RCVRN: variants seen among roughly 807,000 people sequenced by gnomAD.
The protein encoded by RCVRN is recoverin.
A neutral mutation model predicts 20.4 loss-of-function variants in RCVRN; 23 were observed. That is an observed-to-expected ratio of 1.13 (90% CI 0.81 to 1.60). RCVRN has a LOEUF of 1.60. RCVRN is among the 40% of genes most tolerant of loss of function. The pLI is 0.00. For synonymous variants in RCVRN, 105 were observed against 105.9 expected, an observed-to-expected ratio of 0.99 and a Z score of 0.05; for missense variants, 254 against 254.2, an observed-to-expected ratio of 1.00 and a Z score of 0.00.
chr17:9,903,784 C>T (rs1392747580), intron 1 of RCVRN, among the ~76,000 whole-genome samples: 1 of 152,208 alleles, frequency 6.6e-6, no homozygotes, highest in Admixed American at 6.5e-5. Flanking sequence ...GTAGAGCCGA[C>T]TACATCCCTG....
chr17:9,903,448 T>C (rs2067349923), intron 1 of RCVRN, among the ~76,000 whole-genome samples: 1 of 152,196 alleles, frequency 6.6e-6, no homozygotes, highest in African/African-American at 2.4e-5. Context: ...AAGCGGGGGC[T>C]CATGCGTGGT....
Position 9,905,058 on chromosome 17 carries a change from G to A in RCVRN, c.123C>T (p.Thr41=), listed in dbSNP as rs1440141052. ...WYQSFLKDCP[T]GRITQQQFQS... The stretch of plus-strand genomic sequence containing the variant: ...GGAACTGCTGCTGGGTGATGCGGCC[G>A]GTGGGACAGTCCTTCAGGAAGGACT... The change falls in exon 1 of 3, where the codon ACC becomes ACT. Residue 41 remains threonine, a synonymous_variant. Transcript: ENST00000226193. 6.2e-7 allele frequency: 1 copy of A among 1,612,386 alleles called. No homozygotes were observed. The highest frequency in any genetic ancestry group is 2.2e-5 in the East Asian group (1 of 44,804).
At chr17:9,902,720 G>A (rs1438955039) in intron 1 of RCVRN, among the ~76,000 whole-genome samples, 2 of 152,206 alleles carry the variant, frequency 1.3e-5, no homozygotes, top group Middle Eastern at 3.2e-3. Context: ...GGAAGAGGTT[G>A]GGTGCGGAAG....
rs553320492 is a variant in RCVRN, at chr17:9,905,233, C to T, written c.-53G>A. The stretch of plus-strand genomic sequence containing the variant: ...GGAGTCGCTGGGTGGGTGGGACGTG[C>T]GTGGTCCCCTGGCCGCAGGCTGGGC... On this transcript the variant is annotated 5_prime_UTR_variant, in exon 1 of 3. Transcript: ENST00000226193. The T allele has an allele frequency of 3.3e-6, 5 of 1,528,306 alleles. No individual in the cohort carries two copies. In the East Asian group the frequency reaches 9.2e-5, roughly 28 times the overall value. The allele number at this position is 1,528,306 out of a possible 1,614,324, so 94.7% of individuals were successfully genotyped here.
Position 9,897,748 on chromosome 17 carries a change from G to C in RCVRN, c.*347C>G, listed in dbSNP as rs1297262807. On this transcript the variant is annotated 3_prime_UTR_variant, in exon 3 of 3. Coordinates refer to ENST00000226193, the MANE Select transcript of RCVRN (RefSeq NM_002903.3). ...GCGTTTATTGGAAACTGCTTACCCA[G>C]CACTCCACAAAGGAGCTTACAGCGG... 1.5e-5 allele frequency: 3 copies of C among 199,962 alleles called. No individual in the cohort carries two copies. The highest frequency in any genetic ancestry group is 3.0e-5 in the Non-Finnish European group (3 of 98,760). 12.4% of individuals were successfully genotyped at this position (199,962 alleles called of 1,614,324 possible).
intron 1 of RCVRN, among the ~76,000 whole-genome samples, chr17:9,902,177 G>C: frequency 6.7e-6 from 1 of 149,942 alleles, no homozygotes; most frequent in African/African-American, 2.5e-5. Flanking sequence ...TCAATTTGTA[G>C]GCTTCTGCTG....
rs2067320096 is a variant in RCVRN at position 9,897,064 on chromosome 17, G to C, written c.*1031C>G. On this transcript the variant is annotated 3_prime_UTR_variant, in exon 3 of 3. Coordinates refer to ENST00000226193, the MANE Select transcript of RCVRN (RefSeq NM_002903.3). The stretch of plus-strand genomic sequence containing the variant: ...TCATCGGGCTCCCTGACTCCAGGGA[G>C]CCCCCAGTTGCTCCTCTCTGACTTA... 6.6e-6 allele frequency: 1 copy of C among 152,186 alleles called. No homozygotes were observed. 9.4% of individuals were successfully genotyped at this position (152,186 alleles called of 1,614,324 possible).
chr17:9,898,622 A>G (rs982774362), intron 2 of RCVRN, among the ~76,000 whole-genome samples: 1 of 152,234 alleles, frequency 6.6e-6, no homozygotes, highest in Non-Finnish European at 1.5e-5. Flanking sequence ...GGGTCTGAGC[A>G]TAGCAAAACA....
intron 2 of RCVRN, among the ~76,000 whole-genome samples, 196 bp from the exon 3 acceptor site, chr17:9,898,400 T>A (rs575194914): frequency 2.0e-5 from 3 of 152,200 alleles, no homozygotes; most frequent in African/African-American, 4.8e-5. Flanking sequence ...CCCATGACCC[T>A]TGGAGCTCCC....
At chr17:9,901,628 A>C (rs1028196002) in intron 1 of RCVRN, among the ~76,000 whole-genome samples, 1 of 152,126 alleles carries the variant, frequency 6.6e-6, no homozygotes, top group Non-Finnish European at 1.5e-5. Context: ...GCAGCACTCA[A>C]AGCCCTGAGC....
In RCVRN at chr17:9,904,888, G is replaced by A. The variant is rs2067356473; in HGVS notation, c.293C>T (p.Thr98Ile). Residue 98 changes from threonine (T) to isoleucine (I), a missense_variant, in exon 1 of 3, where the codon ACC (threonine) becomes ATC (isoleucine). Coordinates refer to ENST00000226193, the MANE Select transcript of RCVRN (RefSeq NM_002903.3). This position sits in a 1 kb window ranked among gnomAD's most constrained non-coding sequence, Gnocchi z 5.8. Reference sequence around the variant, plus strand: ...GAAGGCCCACTCCAGCTTCTGGTTGGTCTTGCCCGCGGTGGTCATGTGCAG... The same window carrying A: ...GAAGGCCCACTCCAGCTTCTGGTTGATCTTGCCCGCGGTGGTCATGTGCAG... ...IALHMTTAGK[T>I]NQKLEWAFSL... is the part of the protein sequence containing the mutation. 1 of 1,614,242 alleles carries A rather than the reference G, an allele frequency of 6.2e-7. No homozygotes were observed. The highest frequency in any genetic ancestry group is 8.5e-7 in the Non-Finnish European group (1 of 1,180,036).
rs1466636895 is a variant in RCVRN, at chr17:9,904,065, AC to A, written c.381+734del. Reference sequence around the variant, plus strand: ...AGACCAGCCTGACCAACATGGTGAAACCCCGTCTCTACTAAAAATACAAAAA... The same window carrying A: ...AGACCAGCCTGACCAACATGGTGAAACCCGTCTCTACTAAAAATACAAAAA... On this transcript the variant is annotated intron_variant, in intron 1 of 2. Transcript: ENST00000226193. This position sits in a 1 kb window ranked among gnomAD's most constrained non-coding sequence, Gnocchi z 5.8. 6.6e-6 allele frequency among the ~76,000 whole-genome samples: 1 copy of A among 152,034 alleles called. No individual in the cohort carries two copies. Among genetic ancestry groups the A allele is most frequent in the Non-Finnish European group, 1.5e-5 (1 of 68,012 alleles).
At position 9,904,823 on chromosome 17, in the gene RCVRN, T is replaced by C; in HGVS notation, c.358A>G (p.Asn120Asp). 2.5e-6 allele frequency: 4 copies of C among 1,614,068 alleles called. No individual in the cohort carries two copies. The highest frequency in any genetic ancestry group is 2.5e-6 in the Non-Finnish European group (3 of 1,179,968). Reference protein sequence around the residue: ...DVDGNGTISKNEVLEIVMAIF... With the variant: ...DVDGNGTISKDEVLEIVMAIF... Reference sequence around the variant, plus strand: ...ACCATGACGATCTCCAGCACTTCATTCTTGCTGATGGTCCCGTTACCGTCC... The same window carrying C: ...ACCATGACGATCTCCAGCACTTCATCCTTGCTGATGGTCCCGTTACCGTCC... Residue 120 changes from asparagine to aspartate, a missense_variant, in exon 1 of 3, where the codon AAT becomes GAT. Physicochemically the swap from Asn to Asp is conservative, Grantham distance 23. Coordinates refer to ENST00000226193, the MANE Select transcript of RCVRN (RefSeq NM_002903.3). The surrounding 1 kb of genome is among the most constrained non-coding windows in gnomAD (Gnocchi z 5.8).
chr17:9,899,592 G>A lies in RCVRN; in HGVS notation c.494-1388C>T, dbSNP rs1646719995. ...CCAGTTAAGGAGCCAGTGGGGCAAA[G>A]TGCCAAAAGAAGGCATCTTGGTAGC... On this transcript the variant is annotated intron_variant, in intron 2 of 2. Transcript: ENST00000226193. This position sits in a 1 kb window ranked among gnomAD's most constrained non-coding sequence, Gnocchi z 4.6. Among the ~76,000 whole-genome samples, 1 of 152,242 alleles carries A rather than the reference G, an allele frequency of 6.6e-6. No individual in the cohort carries two copies. Among genetic ancestry groups the A allele is most frequent in the Non-Finnish European group, 1.5e-5 (1 of 68,052 alleles).
rs1461333385 is a variant in RCVRN, at chr17:9,904,211, A to G, written c.381+589T>C. Among the ~76,000 whole-genome samples, 1 of 152,222 alleles carries G rather than the reference A, an allele frequency of 6.6e-6. No homozygotes were observed. Among genetic ancestry groups the G allele is most frequent in the Non-Finnish European group, 1.5e-5 (1 of 68,044 alleles). On this transcript the variant is annotated intron_variant, in intron 1 of 2. Transcript: ENST00000226193. The surrounding 1 kb of genome is among the most constrained non-coding windows in gnomAD (Gnocchi z 5.8). ...AGCCAAGATCGCACTATTGCACTCC[A>G]GCTCTGGGCTACAGAGTGAGACTCC...
chr17:9,897,381 C>G lies in RCVRN; in HGVS notation c.*714G>C, dbSNP rs8076185. Reference sequence around the variant, plus strand: ...TGAGACTTCCCCACCCCGACCCCGTCCCCCGCCTCGTGTGCAGTGGTTCTG... The same window carrying G: ...TGAGACTTCCCCACCCCGACCCCGTGCCCCGCCTCGTGTGCAGTGGTTCTG... On this transcript the variant is annotated 3_prime_UTR_variant, in exon 3 of 3. Transcript: ENST00000226193. 23,869 of 151,310 alleles carry G rather than the reference C, an allele frequency of 0.16. 2,519 individuals are homozygous for G. Among genetic ancestry groups the G allele is most frequent in the Non-Finnish European group, 0.24 (16,037 of 67,810 alleles). 9.4% of individuals were successfully genotyped at this position (151,310 alleles called of 1,614,324 possible).
Position 9,900,970 on chromosome 17 carries a change from T to C in RCVRN, c.493+19A>G, listed in dbSNP as rs774508642. On this transcript the variant is annotated intron_variant, in intron 2 of 2. Coordinates refer to ENST00000226193, the MANE Select transcript of RCVRN (RefSeq NM_002903.3). Reference sequence around the variant, plus strand: ...CCCATGGTTGAAAAATCAAAGGCAATGAAGGAAAAGGAATTCACCATCATC... The same window carrying C: ...CCCATGGTTGAAAAATCAAAGGCAACGAAGGAAAAGGAATTCACCATCATC... 27 of 1,452,100 alleles carry C rather than the reference T, an allele frequency of 1.9e-5. No homozygotes were observed. Among genetic ancestry groups the C allele is most frequent in the Non-Finnish European group, 2.4e-5 (25 of 1,041,558 alleles). 90.0% of individuals were successfully genotyped at this position (1,452,100 alleles called of 1,614,324 possible).
chr17:9,897,581 C>A lies in RCVRN; in HGVS notation c.*514G>T, dbSNP rs1036900840. 1 of 154,780 alleles carries A rather than the reference C, an allele frequency of 6.5e-6. No homozygotes were observed. Among genetic ancestry groups the A allele is most frequent in the Admixed American group, 6.4e-5 (1 of 15,614 alleles). The allele number at this position is 154,780 out of a possible 1,614,324, so 9.6% of individuals were successfully genotyped here. On this transcript the variant is annotated 3_prime_UTR_variant, in exon 3 of 3. Transcript: ENST00000226193. Reference sequence around the variant, plus strand: ...GACCATGAGCTCCATGACAGCAGGACCGCATTAGACTCATTCCGCACCAAA... The same window carrying A: ...GACCATGAGCTCCATGACAGCAGGAACGCATTAGACTCATTCCGCACCAAA...
intron 2 of RCVRN, among the ~76,000 whole-genome samples, chr17:9,900,685 C>T (rs566948968): frequency 6.6e-6 from 1 of 152,164 alleles, no homozygotes; most frequent in Admixed American, 6.5e-5. Context: ...GGACCCAAAC[C>T]AACTTCCCAA....
Sources: gnomAD v4.1 joint callset for allele counts (sites outside exome capture counted in the v4.1 genomes callset) on GRCh38, gnomAD v4.1.1 for gene constraint, Gnocchi (gnomAD v3.1) non-coding constraint, MANE v1.5 for transcripts, NCBI Gene and HGNC (gene_info 2026-07-23, HGNC 2026-07-21) for gene names.